Variants in MAP2K5 observed in about 807,000 individuals in gnomAD.
MAP2K5 encodes dual specificity mitogen-activated protein kinase kinase 5.
MAP2K5 carries 49 observed loss-of-function variants against 83.1 expected under a neutral mutation model. The ratio of observed to expected loss-of-function variants is 0.59; its 90% CI spans 0.47 to 0.75. MAP2K5 has a LOEUF of 0.75. Ranked by LOEUF, MAP2K5 falls within the 30% of genes least tolerant of loss-of-function variation. MAP2K5 has a pLI of 0.00. For missense variants in MAP2K5, 457 were observed against 557.5 expected (o/e 0.82, Z 1.82); for synonymous variants, 202 against 191.8 (o/e 1.05, Z -0.44).
intron 8 of MAP2K5, among the ~76,000 whole-genome samples, chr15:67,611,118 G>T (rs1176410651): frequency 6.6e-6 from 1 of 152,132 alleles, no homozygotes; most frequent in Non-Finnish European, 1.5e-5. Flanking sequence ...GCAGCAAAAT[G>T]TATCAATATA....
chr15:67,664,506 A>G (rs1194927460), intron 12 of MAP2K5, 91 bp from the exon 13 acceptor site: 2 of 844,846 alleles, frequency 2.4e-6, no homozygotes, highest in Non-Finnish European at 3.8e-6. Context: ...CTGTCTCAAA[A>G]AAAAAAAAAT....
In MAP2K5 at chr15:67,576,437, T is replaced by C. The variant is rs570424631; in HGVS notation, c.253-4317T>C. 7.4e-5 allele frequency among the ~76,000 whole-genome samples: 11 copies of C among 148,154 alleles called. 2 individuals carry two copies. In the East Asian group the frequency reaches 1.6e-3, roughly 22 times the overall value. ...AAAAATTGTACTTGTTATCCCCTTG[T>C]TGAATCTGGCCCTCTGTTTCAAATT... On this transcript the variant is annotated intron_variant, in intron 3 of 21. Transcript: ENST00000178640.
intron 12 of MAP2K5, among the ~76,000 whole-genome samples, chr15:67,660,429 G>A (rs369245538): frequency 1.7e-4 from 26 of 152,168 alleles, no homozygotes; most frequent in African/African-American, 5.3e-4. Flanking sequence ...ATGGGCTGTG[G>A]GCTGTGGTGT....
intron 7 of MAP2K5, among the ~76,000 whole-genome samples, chr15:67,599,961 A>G (rs961061259): frequency 9.2e-5 from 14 of 151,768 alleles, no homozygotes; most frequent in African/African-American, 3.1e-4. Flanking sequence ...TTGTGGTATA[A>G]TAGGTTTTAT....
intron 8 of MAP2K5, chr15:67,628,053 G>T: frequency 1.4e-6 from 1 of 732,756 alleles, no homozygotes; most frequent in Non-Finnish European, 2.4e-6. Flanking sequence ...GGAGGCAGTG[G>T]ATGCAGCCAT....
intron 17 of MAP2K5, among the ~76,000 whole-genome samples, chr15:67,732,570 A>G (rs2089244643): frequency 6.6e-6 from 1 of 152,250 alleles, no homozygotes; most frequent in Non-Finnish European, 1.5e-5. Flanking sequence ...AAGGAAAAAA[A>G]TCTGAGCAAA....
chr15:67,670,582 C>T (rs1256054385), intron 13 of MAP2K5: 9 of 362,450 alleles, frequency 2.5e-5, no homozygotes, highest in Non-Finnish European at 4.9e-5. Flanking sequence ...GAAGTTTTCC[C>T]TGCCAAAAGG....
intron 7 of MAP2K5, among the ~76,000 whole-genome samples, chr15:67,596,751 T>G (rs2085534886): frequency 6.6e-6 from 1 of 152,256 alleles, no homozygotes; most frequent in Admixed American, 6.5e-5. Flanking sequence ...TAAGGTCATT[T>G]GCTATCTTGG....
chr15:67,563,351 G>A lies in MAP2K5; in HGVS notation c.252+1G>A, dbSNP rs1248389683. ...GGAAATGAAGGCAATGCTGTCATAT[G>A]TAAGTATACGACAAATGAAGACTAT... On this transcript the variant is annotated splice_donor_variant, in intron 3 of 21. Coordinates refer to ENST00000178640, the MANE Select transcript of MAP2K5 (RefSeq NM_145160.3). LOFTEE classifies it high-confidence loss of function. The surrounding 1 kb of genome is among the most constrained non-coding windows in gnomAD (Gnocchi z 4.5). The A allele has an allele frequency of 6.2e-7, 1 of 1,609,032 alleles. No individual in the cohort carries two copies. The highest frequency in any genetic ancestry group is 1.3e-5 in the African/African-American group (1 of 74,944).
At chr15:67,728,316 CAA>C (rs2089145888) in intron 17 of MAP2K5, among the ~76,000 whole-genome samples, 2 of 152,140 alleles carry the variant, frequency 1.3e-5, no homozygotes, top group South Asian at 4.2e-4. Flanking sequence ...AAGATTAAGA[CAA>C]AGGGTGAAAG....
In MAP2K5 at chr15:67,569,005, C is replaced by CAAAAA. The variant is rs71142380; in HGVS notation, c.252+5665_252+5669dup. Among the ~76,000 whole-genome samples the CAAAAA allele has an allele frequency of 7.2e-3, 653 of 91,068 alleles. 1 individual carries two copies. The highest frequency in any genetic ancestry group is 0.012 in the East Asian group (40 of 3,276). The allele number at this position is 91,068 out of a possible 152,430, so 59.7% of individuals were successfully genotyped here. A position where few individuals can be genotyped will look rare whatever the true frequency, so the allele number is the denominator to read the frequency against. On this transcript the variant is annotated intron_variant, in intron 3 of 21. Transcript: ENST00000178640. ...TGGGCGACAGAGCAAGACTCCATCT[C>CAAAAA]AAAAAAAAAAAAAACAAAAAAAAAA...
At chr15:67,547,012 C>T (rs958962496) in intron 1 of MAP2K5, among the ~76,000 whole-genome samples, 1 of 151,720 alleles carries the variant, frequency 6.6e-6, no homozygotes, top group Non-Finnish European at 1.5e-5. Context: ...CTATAGGGAG[C>T]TGTGATTGCA....
chr15:67,717,508 G>C lies in MAP2K5; in HGVS notation c.1045-10408G>C, dbSNP rs948784081. Among the ~76,000 whole-genome samples the C allele has an allele frequency of 6.6e-6, 1 of 152,202 alleles. No homozygotes were observed. Among genetic ancestry groups the C allele is most frequent in the Non-Finnish European group, 1.5e-5 (1 of 68,032 alleles). ...AACATGTAGAACTGGGCACATGAGA[G>C]TGTGGGCTGACATGAGTGTCAGAGA... On this transcript the variant is annotated intron_variant, in intron 16 of 21. Coordinates refer to ENST00000178640, the MANE Select transcript of MAP2K5 (RefSeq NM_145160.3). This position sits in a 1 kb window ranked among gnomAD's most constrained non-coding sequence, Gnocchi z 4.1.
intron 13 of MAP2K5, among the ~76,000 whole-genome samples, chr15:67,672,187 A>G (rs1275933719): frequency 1.3e-5 from 2 of 151,144 alleles, no homozygotes; most frequent in East Asian, 3.9e-4. Flanking sequence ...CAGTAATGGG[A>G]TGGCTGGGTC....
chr15:67,673,843 TTTTG>T (rs749287871), intron 13 of MAP2K5, among the ~76,000 whole-genome samples: 13 of 152,022 alleles, frequency 8.6e-5, no homozygotes, highest in Non-Finnish European at 1.5e-4. Context: ...GAGGATCAGT[TTTTG>T]TTTGTTTGTT....
At chr15:67,714,784 G>A (rs2088790818) in intron 16 of MAP2K5, among the ~76,000 whole-genome samples, 1 of 152,130 alleles carries the variant, frequency 6.6e-6, no homozygotes, top group Non-Finnish European at 1.5e-5. Flanking sequence ...GAACCTCAAA[G>A]GTCACACTAA....
chr15:67,725,181 C>G (rs1043159519), intron 16 of MAP2K5, among the ~76,000 whole-genome samples: 3 of 152,196 alleles, frequency 2.0e-5, no homozygotes, highest in Admixed American at 1.3e-4. Context: ...TAAATTTTCT[C>G]TCTGTTGTCT....
chr15:67,563,970 A>G lies in MAP2K5; in HGVS notation c.252+620A>G, dbSNP rs2084791993. On this transcript the variant is annotated intron_variant, in intron 3 of 21. Transcript: ENST00000178640. This position sits in a 1 kb window ranked among gnomAD's most constrained non-coding sequence, Gnocchi z 4.5. ...AAACAAGAGAAAAGGGCATATTTCT[A>G]AAGCTTCAATACTAAGCTTGAAAAA... Among the ~76,000 whole-genome samples the G allele has an allele frequency of 1.3e-5, 2 of 152,252 alleles. No homozygotes were observed. The highest frequency in any genetic ancestry group is 4.1e-4 in the South Asian group (2 of 4,836).
chr15:67,746,000 G>A (rs1425198131), intron 17 of MAP2K5, among the ~76,000 whole-genome samples: 1 of 151,972 alleles, frequency 6.6e-6, no homozygotes, highest in African/African-American at 2.4e-5. Flanking sequence ...AAAAACCTGG[G>A]CAAAACAGTA....
Sources: gnomAD v4.1 joint callset for allele counts (sites outside exome capture counted in the v4.1 genomes callset) on GRCh38, gnomAD v4.1.1 for gene constraint, Gnocchi (gnomAD v3.1) non-coding constraint, MANE v1.5 for transcripts, NCBI Gene and HGNC (gene_info 2026-07-23, HGNC 2026-07-21) for gene names.